Variants in MYO18A observed in about 807,000 individuals in gnomAD.
The protein encoded by MYO18A is unconventional myosin-XVIIIa.
Under a neutral mutation model 235.8 loss-of-function variants are expected in MYO18A, and 78 were observed. The ratio of observed to expected loss-of-function variants is 0.33; its 90% CI spans 0.28 to 0.40. The LOEUF (loss-of-function observed/expected upper bound fraction) is 0.40. MYO18A is among the 10% of genes least tolerant of loss of function. The pLI, the probability that MYO18A is intolerant of heterozygous loss-of-function variation, is 1.00. For synonymous variants in MYO18A, 977 were observed against 1,077.8 expected, an observed-to-expected ratio of 0.91 and a Z score of 1.83; for missense variants, 2,215 against 2,699.3, an observed-to-expected ratio of 0.82 and a Z score of 3.98.
Position 29,089,925 on chromosome 17 carries a change from C to T in MYO18A, c.5526+36G>A, listed in dbSNP as rs765333808. The T allele has an allele frequency of 1.3e-5, 21 of 1,613,384 alleles. No homozygotes were observed. In the South Asian group the frequency reaches 2.3e-4, roughly 18 times the overall value. On this transcript the variant is annotated intron_variant, in intron 37 of 41. Coordinates refer to ENST00000527372, the MANE Select transcript of MYO18A (RefSeq NM_078471.4). ...GGCTCCAGCGCTGGGGCAGCTCTGC[C>T]CTGTTTGGTGTGGCCCGGGAGAAGT...
At chr17:29,119,510 A>T in intron 7 of MYO18A, 75 bp from the exon 8 acceptor site, 3 of 1,100,122 alleles carry the variant, frequency 2.7e-6, no homozygotes, top group Non-Finnish European at 3.9e-6. Context: ...ATAAGAAGGA[A>T]TCAAACACAT....
intron 41 of MYO18A, chr17:29,077,808 C>T (rs2152708787): frequency 6.6e-6 from 1 of 152,406 alleles, no homozygotes; most frequent in Admixed American, 6.5e-5. Context: ...GGTCTGAAAT[C>T]TGCCAGTTGC....
At chr17:29,157,338 A>C (rs1474635954) in intron 2 of MYO18A, among the ~76,000 whole-genome samples, 1 of 152,198 alleles carries the variant, frequency 6.6e-6, no homozygotes, top group Non-Finnish European at 1.5e-5. Flanking sequence ...CTTCTGCAGC[A>C]CACCACCACA....
rs1284270650 is a variant in MYO18A, at chr17:29,117,266, C to T, written c.2038+779G>A. On this transcript the variant is annotated intron_variant, in intron 10 of 41. Transcript: ENST00000527372. The surrounding 1 kb of genome is among the most constrained non-coding windows in gnomAD (Gnocchi z 4.6). ...GCTCCTCCAAGCCAGGCCAAGTCCCCGAGCGCAAGTGCCAAAGCTGCAGCC... is the reference window on the plus strand; with the variant it reads ...GCTCCTCCAAGCCAGGCCAAGTCCCTGAGCGCAAGTGCCAAAGCTGCAGCC... 2.6e-5 allele frequency among the ~76,000 whole-genome samples: 4 copies of T among 152,198 alleles called. No homozygotes were observed. Among genetic ancestry groups the T allele is most frequent in the African/African-American group, 9.7e-5 (4 of 41,440 alleles).
In MYO18A at chr17:29,109,900, G is replaced by A. The variant is rs1488889959; in HGVS notation, c.3289C>T (p.Arg1097Cys). ...LDVPLLRTQL[R>C]GSRLLDAMRM... is the part of the protein sequence containing the mutation. ...ATGGCATCGAGCAGGCGGGAGCCGC[G>A]GAGCTGGGTGCGGAGCAGGGGCACG... The change falls in exon 19 of 42, where the codon CGC (arginine) becomes TGC (cysteine). Residue 1097 changes from arginine to cysteine, a missense_variant. Coordinates refer to ENST00000527372, the MANE Select transcript of MYO18A (RefSeq NM_078471.4). The surrounding 1 kb of genome is among the most constrained non-coding windows in gnomAD (Gnocchi z 4.1). 3 of 1,577,798 alleles carry A rather than the reference G, an allele frequency of 1.9e-6. No homozygotes were observed. The highest frequency in any genetic ancestry group is 3.7e-5 in the Admixed American group (2 of 54,412).
intron 39 of MYO18A, 106 bp from the exon 40 acceptor site, chr17:29,085,754 A>C: frequency 9.8e-6 from 11 of 1,128,096 alleles, no homozygotes; most frequent in Non-Finnish European, 1.5e-5. Context: ...TTCCCTCAGC[A>C]AGAGCCAGCT....
chr17:29,111,916 G>C lies in MYO18A; in HGVS notation c.2599-53C>G. ...TGTCATATGGAGCTGTGGGAAAGGG[G>C]CCAGGGTGGTGCCGGGCCCAAACAC... On this transcript the variant is annotated intron_variant, in intron 15 of 41. Coordinates refer to ENST00000527372, the MANE Select transcript of MYO18A (RefSeq NM_078471.4). This position sits in a 1 kb window ranked among gnomAD's most constrained non-coding sequence, Gnocchi z 5.1. 1.3e-6 allele frequency: 2 copies of C among 1,573,562 alleles called. No homozygotes were observed. The highest frequency in any genetic ancestry group is 1.7e-6 in the Non-Finnish European group (2 of 1,160,016).
In MYO18A at chr17:29,109,772, G is replaced by T; in HGVS notation, c.3331+86C>A. 6.8e-7 allele frequency: 1 copy of T among 1,479,064 alleles called. No homozygotes were observed. The highest frequency in any genetic ancestry group is 9.1e-7 in the Non-Finnish European group (1 of 1,094,006). The allele number at this position is 1,479,064 out of a possible 1,614,324, so 91.6% of individuals were successfully genotyped here. ...GAAAGACAGGAGCAGCCCCACTGCA[G>T]CCCACGGGTCGCAGGTGGGAGGTGG... On this transcript the variant is annotated intron_variant, in intron 19 of 41. Transcript: ENST00000527372. The surrounding 1 kb of genome is among the most constrained non-coding windows in gnomAD (Gnocchi z 4.1).
In MYO18A at chr17:29,166,773, G is replaced by A. The variant is rs773583781; in HGVS notation, c.168C>T (p.Ser56=). 3.1e-6 allele frequency: 5 copies of A among 1,613,076 alleles called. No individual in the cohort carries two copies. Among genetic ancestry groups the A allele is most frequent in the South Asian group, 1.1e-5 (1 of 90,822 alleles). Residue 56 remains serine, a synonymous_variant, in exon 2 of 42, where the codon TCC becomes TCT. Coordinates refer to ENST00000527372, the MANE Select transcript of MYO18A (RefSeq NM_078471.4). ...FNLNRSSKRE[S]KTRLEISNPI... Reference sequence around the variant, plus strand: ...GGTTGGAGATTTCCAGGCGCGTCTTGGATTCACGCTTGGAGGAGCGGTTCA... The same window carrying A: ...GGTTGGAGATTTCCAGGCGCGTCTTAGATTCACGCTTGGAGGAGCGGTTCA...
chr17:29,099,567 C>G, intron 22 of MYO18A, 67 bp downstream of exon 22: 1 of 1,563,628 alleles, frequency 6.4e-7, no homozygotes, highest in South Asian at 1.2e-5. Context: ...CCTTATAGCC[C>G]CCACCCCAGG....
At chr17:29,097,730 G>T (rs530134215) in intron 26 of MYO18A, 58 bp downstream of exon 26, 20 of 1,454,674 alleles carry the variant, frequency 1.4e-5, no homozygotes, top group South Asian at 1.1e-4. Context: ...CTACCCAGGG[G>T]TGGGCATCAG....
intron 41 of MYO18A, chr17:29,080,311 C>T: frequency 1.4e-5 from 14 of 986,092 alleles, no homozygotes; most frequent in Non-Finnish European, 1.7e-5. Context: ...GCTGACGGAG[C>T]GGACGCTGGA....
intron 19 of MYO18A, among the ~76,000 whole-genome samples, chr17:29,108,415 C>T (rs945155047): frequency 2.6e-5 from 4 of 152,146 alleles, no homozygotes; most frequent in East Asian, 1.9e-4. Flanking sequence ...TGGAGGGCCA[C>T]GAACTCCACT....
rs901316801 is a variant in MYO18A, at chr17:29,120,390, T to C, written c.1728+226A>G. On this transcript the variant is annotated intron_variant, in intron 7 of 41. Transcript: ENST00000527372. The surrounding 1 kb of genome is among the most constrained non-coding windows in gnomAD (Gnocchi z 4.2). ...TAGGACAACCCCAGGGTTGGGAGAGTGAAGGGAACTGGGCAGAAAGCTGGA... is the reference window on the plus strand; with the variant it reads ...TAGGACAACCCCAGGGTTGGGAGAGCGAAGGGAACTGGGCAGAAAGCTGGA... 3.3e-5 allele frequency among the ~76,000 whole-genome samples: 5 copies of C among 150,438 alleles called. No individual in the cohort carries two copies. The highest frequency in any genetic ancestry group is 6.6e-5 in the Admixed American group (1 of 15,132).
In MYO18A at chr17:29,158,652, A is replaced by T. The variant is rs1056118841; in HGVS notation, c.999+7290T>A. On this transcript the variant is annotated intron_variant, in intron 2 of 41. Transcript: ENST00000527372. The surrounding 1 kb of genome is among the most constrained non-coding windows in gnomAD (Gnocchi z 4.3). ...GAGCCCTCACCTCAGCTGGGTCACC[A>T]GTCCCCACCGTCCCCCCAAGACTGC... is the stretch of plus-strand genomic sequence containing the variant. Among the ~76,000 whole-genome samples the T allele has an allele frequency of 6.6e-6, 1 of 152,162 alleles. No individual in the cohort carries two copies. Among genetic ancestry groups the T allele is most frequent in the Non-Finnish European group, 1.5e-5 (1 of 68,014 alleles).
intron 2 of MYO18A, among the ~76,000 whole-genome samples, chr17:29,127,503 T>C (rs969843954): frequency 6.6e-6 from 1 of 152,212 alleles, no homozygotes; most frequent in African/African-American, 2.4e-5. Flanking sequence ...GAAAACAGTC[T>C]TTCCTCCTGG....
In MYO18A at chr17:29,180,227, G is replaced by T. The variant is rs982296975; in HGVS notation, c.-82+86C>A. The T allele has an allele frequency of 2.6e-4, 8 of 30,958 alleles. No homozygotes were observed. Among genetic ancestry groups the T allele is most frequent in the Admixed American group, 5.5e-4 (2 of 3,642 alleles). 1.9% of individuals were successfully genotyped at this position (30,958 alleles called of 1,614,324 possible). ...AGCCGGCGGGCCCCGCCGCCCGCCCGCCCTCCCTCCCGGCCGGAGCCCGCC... is the reference window on the plus strand; with the variant it reads ...AGCCGGCGGGCCCCGCCGCCCGCCCTCCCTCCCTCCCGGCCGGAGCCCGCC... On this transcript the variant is annotated intron_variant, in intron 1 of 41. Transcript: ENST00000527372. This position sits in a 1 kb window ranked among gnomAD's most constrained non-coding sequence, Gnocchi z 6.1.
intron 2 of MYO18A, among the ~76,000 whole-genome samples, chr17:29,124,871 G>A (rs961220268): frequency 3.3e-5 from 5 of 152,140 alleles, no homozygotes; most frequent in African/African-American, 1.2e-4. Flanking sequence ...CAGGTGAACT[G>A]CACCCAGTCA....
At chr17:29,150,705 T>C (rs1309625958) in intron 2 of MYO18A, among the ~76,000 whole-genome samples, 1 of 152,246 alleles carries the variant, frequency 6.6e-6, no homozygotes, top group Non-Finnish European at 1.5e-5. Flanking sequence ...CTCATGCCCA[T>C]AATCCCAACA....
Sources: allele counts gnomAD v4.1 joint callset (sites outside exome capture counted in the v4.1 genomes callset), GRCh38; gene constraint gnomAD v4.1.1; non-coding constraint Gnocchi (gnomAD v3.1); transcripts MANE v1.5; gene names NCBI Gene and HGNC (gene_info 2026-07-23, HGNC 2026-07-21).